Variants in FBXL13 observed in about 807,000 individuals in gnomAD.
FBXL13 encodes F-box and leucine-rich repeat protein 13.
In FBXL13, 67 loss-of-function variants were observed where a neutral mutation model predicts 83.6. That is an observed-to-expected ratio of 0.80 (90% CI 0.66 to 0.98). FBXL13 has a LOEUF of 0.98. FBXL13 is among the 50% of genes least tolerant of loss of function. FBXL13 has a pLI of 0.00. For missense variants in FBXL13, 822 were observed against 866.5 expected (o/e 0.95, Z 0.64); for synonymous variants, 272 against 299.5 (o/e 0.91, Z 0.95).
At chr7:102,811,330 G>C (rs533150088), downstream of FBXL13, among the ~76,000 whole-genome samples, 1 of 152,146 alleles carries the variant, frequency 6.6e-6, no homozygotes, top group African/African-American at 2.4e-5. Flanking sequence ...TATGAAATAC[G>C]TAAGGGCTAA....
chr7:103,050,072 A>G (rs1346101492), intron 2 of FBXL13: 2 of 152,240 alleles, frequency 1.3e-5, no homozygotes, highest in Non-Finnish European at 2.9e-5. Context: ...GGTTTTGGGC[A>G]CACATTTTAT....
intron 17 of FBXL13, among the ~76,000 whole-genome samples, chr7:102,849,113 T>C (rs1268273263): frequency 1.3e-5 from 2 of 152,206 alleles, no homozygotes; most frequent in African/African-American, 4.8e-5. Flanking sequence ...TTTAAGCCCA[T>C]TTCTTTGCCA....
At chr7:102,959,253 A>G (rs1312686110) in intron 8 of FBXL13, among the ~76,000 whole-genome samples, 2 of 152,110 alleles carry the variant, frequency 1.3e-5, no homozygotes, top group Non-Finnish European at 2.9e-5. Flanking sequence ...TCCATTTTGC[A>G]TAATTTCTTT....
At chr7:102,918,602 G>A (rs893915059) in intron 10 of FBXL13, among the ~76,000 whole-genome samples, 11 of 152,168 alleles carry the variant, frequency 7.2e-5, no homozygotes, top group Non-Finnish European at 1.5e-4. Context: ...GATTGCCTGA[G>A]GCCATGAGTT....
At chr7:102,992,899 G>A (rs190882067) in intron 6 of FBXL13, among the ~76,000 whole-genome samples, 3 of 152,116 alleles carry the variant, frequency 2.0e-5, no homozygotes, top group African/African-American at 2.4e-5. Context: ...GAGCCACCAC[G>A]CCCAGCCTGT....
At chr7:103,054,940 ATG>A in intron 2 of FBXL13, 146 bp downstream of exon 3, 1 of 374,608 alleles carries the variant, frequency 2.7e-6, no homozygotes, top group South Asian at 2.1e-5. Context: ...GCGTCTGTGT[ATG>A]TGTGTGGCTA....
intron 16 of FBXL13, among the ~76,000 whole-genome samples, chr7:102,863,004 T>G (rs1402511321): frequency 6.6e-6 from 1 of 152,242 alleles, no homozygotes; most frequent in African/African-American, 2.4e-5. Flanking sequence ...GAGATACAGA[T>G]CTTGTTCTCT....
intron 6 of FBXL13, chr7:102,973,523 C>G (rs771003172): frequency 1.3e-6 from 1 of 763,960 alleles, no homozygotes; most frequent in South Asian, 1.3e-5. Flanking sequence ...CTGCCTGCAC[C>G]CAGGCGCTCA....
chr7:102,836,292 T>TTGGTCTAAG (rs1801967174), intron 17 of FBXL13, among the ~76,000 whole-genome samples: 1 of 152,248 alleles, frequency 6.6e-6, no homozygotes, highest in African/African-American at 2.4e-5. Context: ...TAAGGCTTTA[T>TTGGTCTAAG]GCTAAATCAG....
intron 18 of FBXL13, among the ~76,000 whole-genome samples, chr7:102,832,343 T>C (rs1054806001): frequency 3.9e-5 from 6 of 152,232 alleles, no homozygotes; most frequent in African/African-American, 1.4e-4. Context: ...GACATACCAT[T>C]TACTGTCCAC....
downstream of FBXL13, among the ~76,000 whole-genome samples, chr7:102,811,405 C>A (rs1473871442): frequency 2.0e-5 from 3 of 152,188 alleles, no homozygotes; most frequent in African/African-American, 7.2e-5. Context: ...ATTTCTCTAC[C>A]TGTATCCCTA....
At chr7:102,886,755 A>AGCAGACACTAATAATATGAGCAC (rs1810850919) in intron 11 of FBXL13, among the ~76,000 whole-genome samples, 1 of 152,218 alleles carries the variant, frequency 6.6e-6, no homozygotes, top group African/African-American at 2.4e-5. Context: ...TCCCCTTCTC[A>AGCAGACACTAATAATATGAGCAC]GCAGACACTA....
chr7:102,830,212 G>GCAAA (rs534973775), intron 18 of FBXL13, among the ~76,000 whole-genome samples: 1 of 152,052 alleles, frequency 6.6e-6, no homozygotes, highest in African/African-American at 2.4e-5. Context: ...AAAAACCAAA[G>GCAAA]CAAACAAACA....
intron 17 of FBXL13, among the ~76,000 whole-genome samples, chr7:102,835,108 T>C (rs1389829085): frequency 6.6e-6 from 1 of 152,216 alleles, no homozygotes; most frequent in African/African-American, 2.4e-5. Context: ...CCCTAAGTCA[T>C]CATCTTTTCC....
chr7:102,924,522 T>A (rs1817681551), intron 10 of FBXL13, among the ~76,000 whole-genome samples: 2 of 152,126 alleles, frequency 1.3e-5, no homozygotes, highest in Admixed American at 1.3e-4. Flanking sequence ...ATGTGACAGC[T>A]TAATTAGTGG....
chr7:102,855,388 AGGCCTTGGATTTTTTTAATT>A (rs1805887950), intron 16 of FBXL13, among the ~76,000 whole-genome samples: 1 of 152,078 alleles, frequency 6.6e-6, no homozygotes, highest in Admixed American at 6.6e-5. Context: ...TTCAGGTTAA[AGGCCTTGGATTTTTTTAATT>A]TAAAAAAAGA....
At chr7:102,968,092 T>A (rs1266243612) in exon 7 of FBXL13, 1 of 1,613,170 alleles carries the variant, frequency 6.2e-7, no homozygotes, top group East Asian at 2.2e-5. Flanking sequence ...TATTATCACA[T>A]CTTTTAAACT....
intron 16 of FBXL13, among the ~76,000 whole-genome samples, chr7:102,859,272 A>G (rs1372573612): frequency 6.6e-6 from 1 of 152,206 alleles, no homozygotes; most frequent in African/African-American, 2.4e-5. Flanking sequence ...GAGCAGCAAC[A>G]AATCGAGCCG....
chr7:102,996,434 T>G (rs1789796518), intron 6 of FBXL13, among the ~76,000 whole-genome samples: 1 of 152,242 alleles, frequency 6.6e-6, no homozygotes, highest in South Asian at 2.1e-4. Context: ...TGATTGTTCC[T>G]TTGTTGTTGT....
Sources: allele counts gnomAD v4.1 joint callset (sites outside exome capture counted in the v4.1 genomes callset), GRCh38; gene constraint gnomAD v4.1.1; transcripts MANE v1.5; gene names NCBI Gene and HGNC (gene_info 2026-07-23, HGNC 2026-07-21).